CTNNA2: variants seen among roughly 807,000 people sequenced by gnomAD.
CTNNA2 encodes catenin alpha 2.
In CTNNA2, 42 loss-of-function variants were observed where a neutral mutation model predicts 101.0. That is an observed-to-expected ratio of 0.42 (90% CI 0.32 to 0.54). CTNNA2 has a LOEUF of 0.54. CTNNA2 is among the 20% of genes least tolerant of loss of function. CTNNA2 has a pLI of 0.14. For synonymous variants in CTNNA2, 450 were observed against 456.4 expected, an observed-to-expected ratio of 0.99 and a Z score of 0.18; for missense variants, 871 against 1,223.1, an observed-to-expected ratio of 0.71 and a Z score of 4.29.
intron 4 of CTNNA2, among the ~76,000 whole-genome samples, chr2:79,469,193 G>A (rs1434808672): frequency 6.6e-6 from 1 of 152,010 alleles, no homozygotes; most frequent in Non-Finnish European, 1.5e-5. Flanking sequence ...ATGATAAAGA[G>A]GATATCACCT....
intron 2 of CTNNA2, among the ~76,000 whole-genome samples, chr2:79,280,693 G>GAGAGAA (rs1363166432): frequency 8.4e-6 from 1 of 118,682 alleles, no homozygotes; most frequent in Non-Finnish European, 1.8e-5. Flanking sequence ...GAAAGAGAGA[G>GAGAGAA]AGAGAGAGAC....
At chr2:80,002,239 T>C (rs985988719) in intron 7 of CTNNA2, among the ~76,000 whole-genome samples, 1 of 152,322 alleles carries the variant, frequency 6.6e-6, no homozygotes, top group Non-Finnish European at 1.5e-5. Context: ...AGCAACTTTT[T>C]AATGCCTAAG....
At position 80,516,974 on chromosome 2, in the gene CTNNA2, A is replaced by G. The variant is rs181979165; in HGVS notation, c.1291-28008A>G. Among the ~76,000 whole-genome samples, 19 of 152,246 alleles carry G rather than the reference A, an allele frequency of 1.2e-4. 1 individual carries two copies. The highest frequency in any genetic ancestry group is 1.2e-3 in the Admixed American group (19 of 15,296). ...TAAGTTAAGTTTTGTTTTTGGTAGA[A>G]ACTTCTAAGTTCCAATTGCTTTCTC... is the stretch of plus-strand genomic sequence containing the variant. On this transcript the variant is annotated intron_variant, in intron 9 of 18. Coordinates refer to ENST00000402739, the MANE Select transcript of CTNNA2 (RefSeq NM_001282597.3).
chr2:79,537,183 A>T (rs1434419131), intron 1 of CTNNA2, among the ~76,000 whole-genome samples: 1 of 152,124 alleles, frequency 6.6e-6, no homozygotes, highest in African/African-American at 2.4e-5. Flanking sequence ...TGCTTAACTG[A>T]CTGATTTGAC....
chr2:80,347,363 G>A (rs911279935), intron 7 of CTNNA2, among the ~76,000 whole-genome samples: 1 of 152,168 alleles, frequency 6.6e-6, no homozygotes, highest in Non-Finnish European at 1.5e-5. Context: ...AGGAAATTCA[G>A]CTAAAGCCCC....
chr2:80,634,350 G>T (rs552084868), intron 18 of CTNNA2, among the ~76,000 whole-genome samples: 1 of 152,254 alleles, frequency 6.6e-6, no homozygotes, highest in South Asian at 2.1e-4. Context: ...ATGTGAGGGA[G>T]CAAGCCTTAC....
intron 3 of CTNNA2, among the ~76,000 whole-genome samples, chr2:79,775,334 C>T (rs897739816): frequency 6.6e-6 from 1 of 152,028 alleles, no homozygotes; most frequent in Non-Finnish European, 1.5e-5. Context: ...TTTAGCAATG[C>T]TACCATTATA....
At chr2:80,306,400 TTTTCTTTCTTTCTTTC>T (rs58501778) in intron 7 of CTNNA2, among the ~76,000 whole-genome samples, 1,615 of 109,212 alleles carry the variant, frequency 0.015, 17 homozygotes, top group Non-Finnish European at 0.019. Flanking sequence ...TTTTCTTTTC[TTTTCTTTCTTTCTTTC>T]TTTCTTTCTT....
chr2:80,589,411 C>A lies in CTNNA2; in HGVS notation c.2115C>A (p.Asp705Glu). 4 of 1,614,008 alleles carry A rather than the reference C, an allele frequency of 2.5e-6. No homozygotes were observed. Among genetic ancestry groups the A allele is most frequent in the Non-Finnish European group, 2.5e-6 (3 of 1,179,954 alleles). The change falls in exon 15 of 19, where the codon GAC (aspartate) becomes GAA (glutamate). Residue 705 changes from aspartate to glutamate, a missense_variant. Asp to Glu is a conservative substitution (Grantham distance 45). Coordinates refer to ENST00000402739, the MANE Select transcript of CTNNA2 (RefSeq NM_001282597.3). ...SKLDAEVAKW[D>E]DSGNDIIVLA... Reference sequence around the variant, plus strand: ...TGGATGCAGAAGTGGCCAAATGGGACGACAGCGGCAATGATATCATTGTAC... The same window carrying A: ...TGGATGCAGAAGTGGCCAAATGGGAAGACAGCGGCAATGATATCATTGTAC...
intron 9 of CTNNA2, among the ~76,000 whole-genome samples, chr2:80,454,240 A>G (rs1044519224): frequency 6.6e-6 from 1 of 152,172 alleles, no homozygotes; most frequent in Non-Finnish European, 1.5e-5. Context: ...AGAGAAAAGG[A>G]GGGGCTGAGA....
intron 7 of CTNNA2, among the ~76,000 whole-genome samples, chr2:79,964,746 T>C (rs1406536207): frequency 1.3e-5 from 2 of 152,228 alleles, no homozygotes; most frequent in Non-Finnish European, 2.9e-5. Flanking sequence ...CCAGTTCATA[T>C]GGTGCCAACC....
intron 7 of CTNNA2, among the ~76,000 whole-genome samples, chr2:80,306,395 TTTTCTTTTCTTTCTTTCTTTC>T (rs1160445724): frequency 1.4e-4 from 19 of 135,234 alleles, no homozygotes; most frequent in Admixed American, 3.7e-4. Flanking sequence ...TTTTCTTTTC[TTTTCTTTTCTTTCTTTCTTTC>T]TTTCTTTCTT....
At chr2:80,149,023 A>ATTTTTTT (rs34431691) in intron 7 of CTNNA2, among the ~76,000 whole-genome samples, 5 of 124,820 alleles carry the variant, frequency 4.0e-5, no homozygotes, top group East Asian at 4.9e-4. Context: ...TTATTTTGTT[A>ATTTTTTT]TTTTTTTTTT....
At chr2:80,432,413 C>CT (rs1681628198) in intron 9 of CTNNA2, among the ~76,000 whole-genome samples, 1 of 152,034 alleles carries the variant, frequency 6.6e-6, no homozygotes. Flanking sequence ...ACAAATGCAC[C>CT]TTTTGAAAAT....
chr2:79,736,776 A>G (rs924492509), intron 2 of CTNNA2, among the ~76,000 whole-genome samples: 19 of 152,330 alleles, frequency 1.2e-4, no homozygotes, highest in African/African-American at 4.6e-4. Context: ...TAGAATTCCC[A>G]AAAGCTTAGT....
At chr2:79,597,742 T>G (rs1677293853) in intron 1 of CTNNA2, among the ~76,000 whole-genome samples, 1 of 152,254 alleles carries the variant, frequency 6.6e-6, no homozygotes, top group Non-Finnish European at 1.5e-5. Context: ...CCCAGTACTA[T>G]AGTGGTATAT....
intron 2 of CTNNA2, among the ~76,000 whole-genome samples, chr2:79,666,618 C>T (rs976895188): frequency 6.6e-6 from 1 of 152,126 alleles, no homozygotes; most frequent in Non-Finnish European, 1.5e-5. Flanking sequence ...ACGGATGGTG[C>T]TTGATAAGTG....
chr2:80,380,832 G>C (rs1352003244), intron 7 of CTNNA2, among the ~76,000 whole-genome samples: 2 of 152,130 alleles, frequency 1.3e-5, no homozygotes, highest in Non-Finnish European at 2.9e-5. Context: ...AGAGAGCAAA[G>C]TGTAATTTTA....
At chr2:79,964,219 T>C (rs1007905922) in intron 7 of CTNNA2, among the ~76,000 whole-genome samples, 5 of 152,236 alleles carry the variant, frequency 3.3e-5, no homozygotes, top group African/African-American at 9.6e-5. Flanking sequence ...GAAATTCACA[T>C]GTCCTGACCG....
Sources: gnomAD v4.1 joint callset for allele counts (sites outside exome capture counted in the v4.1 genomes callset) on GRCh38, gnomAD v4.1.1 for gene constraint, MANE v1.5 for transcripts, NCBI Gene and HGNC (gene_info 2026-07-23, HGNC 2026-07-21) for gene names.